SRGAP3: variants seen among roughly 807,000 people sequenced by gnomAD.
The protein encoded by SRGAP3 is SLIT-ROBO Rho GTPase-activating protein 3.
In SRGAP3, 39 loss-of-function variants were observed where a neutral mutation model predicts 121.1. That is an observed-to-expected ratio of 0.32 (90% confidence interval 0.25 to 0.42). The LOEUF (loss-of-function observed/expected upper bound fraction) is 0.42, where lower values mean the gene tolerates loss of function less well. SRGAP3 is among the 10% of genes least tolerant of loss of function. SRGAP3 has a pLI of 1.00. For synonymous variants in SRGAP3, 601 were observed against 570.0 expected (o/e 1.05, Z -0.77); for missense variants, 1,213 against 1,470.6 (o/e 0.82, Z 2.86).
At chr3:9,209,576 A>G (rs1952376671) in intron 1 of SRGAP3, among the ~76,000 whole-genome samples, 1 of 152,226 alleles carries the variant, frequency 6.6e-6, no homozygotes, top group South Asian at 2.1e-4. Flanking sequence ...GATGCTAGCT[A>G]TTGAAATTTC....
chr3:9,013,884 G>A, intron 15 of SRGAP3, 42 bp from the exon 16 acceptor site: 1 of 1,587,546 alleles, frequency 6.3e-7, no homozygotes, highest in Non-Finnish European at 8.7e-7. Context: ...TTCATCCTCA[G>A]AGAGCAAAGC....
chr3:9,078,979 C>G (rs1947112704), intron 4 of SRGAP3, among the ~76,000 whole-genome samples: 1 of 152,130 alleles, frequency 6.6e-6, no homozygotes, highest in African/African-American at 2.4e-5. Context: ...GGCTTTCTGA[C>G]CTGAGGTCCA....
chr3:9,227,525 C>A (rs1377272290), intron 1 of SRGAP3, among the ~76,000 whole-genome samples: 1 of 152,182 alleles, frequency 6.6e-6, no homozygotes, highest in African/African-American at 2.4e-5. Flanking sequence ...TGCCCAAGGT[C>A]AAGCAATTAG....
chr3:9,106,544 G>C (rs972018417), intron 2 of SRGAP3, among the ~76,000 whole-genome samples: 1 of 152,116 alleles, frequency 6.6e-6, no homozygotes, highest in Non-Finnish European at 1.5e-5. Flanking sequence ...AACTTGAATT[G>C]TATCTCCCAG....
chr3:9,199,953 G>GA (rs1423040844), intron 1 of SRGAP3, among the ~76,000 whole-genome samples: 1 of 152,168 alleles, frequency 6.6e-6, no homozygotes, highest in South Asian at 2.1e-4. Flanking sequence ...AAATGCTTAA[G>GA]AAAAAAATCA....
At chr3:9,088,142 C>A (rs1947580277) in intron 3 of SRGAP3, among the ~76,000 whole-genome samples, 1 of 152,146 alleles carries the variant, frequency 6.6e-6, no homozygotes, top group African/African-American at 2.4e-5. Flanking sequence ...CATACCCAGC[C>A]CTTAGGAACC....
chr3:9,151,342 C>T (rs1416461070), intron 1 of SRGAP3, among the ~76,000 whole-genome samples: 2 of 152,154 alleles, frequency 1.3e-5, no homozygotes, highest in Non-Finnish European at 2.9e-5. Flanking sequence ...GTTTGGCATG[C>T]AGCCATCAAC....
intron 3 of SRGAP3, among the ~76,000 whole-genome samples, chr3:9,323,837 A>G (rs1327584982): frequency 6.8e-6 from 1 of 147,200 alleles, no homozygotes; most frequent in Non-Finnish European, 1.5e-5. Context: ...ACTTATTCAT[A>G]TATGCATACC....
chr3:9,037,924 G>A (rs1944836372), intron 11 of SRGAP3, 139 bp downstream of exon 11: 2 of 1,140,492 alleles, frequency 1.8e-6, no homozygotes, highest in Admixed American at 1.7e-5. Context: ...GCCTCACCTG[G>A]GCACACCCAC....
intron 3 of SRGAP3, among the ~76,000 whole-genome samples, chr3:9,282,422 AATAGAGG>A (rs1360983690): frequency 6.6e-6 from 1 of 152,236 alleles, no homozygotes; most frequent in Non-Finnish European, 1.5e-5. Context: ...TGTCTGGCTT[AATAGAGG>A]AGAGCTTTAT....
At chr3:9,021,476 A>G (rs1440192462) in intron 14 of SRGAP3, among the ~76,000 whole-genome samples, 1 of 151,974 alleles carries the variant, frequency 6.6e-6, no homozygotes, top group Non-Finnish European at 1.5e-5. Context: ...TCAAAACTTG[A>G]GCAGTGAGTT....
At chr3:9,301,081 A>G (rs1275769512) in intron 3 of SRGAP3, among the ~76,000 whole-genome samples, 3 of 152,140 alleles carry the variant, frequency 2.0e-5, no homozygotes, top group Non-Finnish European at 4.4e-5. Flanking sequence ...CTTCCTCTCA[A>G]TGTGATCCTC....
At chr3:8,991,212 C>A (rs993895494) in intron 20 of SRGAP3, among the ~76,000 whole-genome samples, 1 of 152,154 alleles carries the variant, frequency 6.6e-6, no homozygotes, top group Non-Finnish European at 1.5e-5. Context: ...GCAGTTCAGA[C>A]TTTTCCATGA....
chr3:9,128,306 CA>C (rs1335274960), intron 1 of SRGAP3, among the ~76,000 whole-genome samples: 1 of 152,018 alleles, frequency 6.6e-6, no homozygotes, highest in African/African-American at 2.4e-5. Flanking sequence ...TGCAATGATA[CA>C]TAAATCAATA....
At chr3:9,152,534 G>A (rs376382529) in intron 1 of SRGAP3, among the ~76,000 whole-genome samples, 37 of 152,226 alleles carry the variant, frequency 2.4e-4, no homozygotes, top group East Asian at 9.6e-4. Flanking sequence ...AGTGAGCAGG[G>A]GGAGGAAGCC....
chr3:9,288,634 G>A (rs1954822570), intron 3 of SRGAP3, among the ~76,000 whole-genome samples: 1 of 149,260 alleles, frequency 6.7e-6, no homozygotes, highest in South Asian at 2.1e-4. Context: ...GGAGTACAGT[G>A]TGTGATCAGA....
At chr3:9,342,117 G>A (rs760673609) in intron 1 of SRGAP3, among the ~76,000 whole-genome samples, 13 of 152,280 alleles carry the variant, frequency 8.5e-5, no homozygotes, top group South Asian at 2.1e-4. Flanking sequence ...TCGGGAAGCC[G>A]AGGCAGGCGA....
At chr3:9,267,019 A>G (rs1320747852) in intron 3 of SRGAP3, among the ~76,000 whole-genome samples, 1 of 152,164 alleles carries the variant, frequency 6.6e-6, no homozygotes, top group Non-Finnish European at 1.5e-5. Flanking sequence ...TTTGGACCCA[A>G]TCTCTTTTAG....
rs540598749 is a variant in SRGAP3 at position 9,106,965 on chromosome 3, TG to T, written c.261-2124del. Among the ~76,000 whole-genome samples, 32 of 146,892 alleles carry T rather than the reference TG, an allele frequency of 2.2e-4. No homozygotes were observed. The South Asian group carries it at 5.9e-3, about 27-fold the overall frequency. ...ATCTCCTGGGGCTTGGGAAGGTAGG[TG>T]GGGCAGGGCTACCTTGACTTCAAGG... On this transcript the variant is annotated intron_variant, in intron 2 of 21. Transcript: ENST00000383836.
Sources: gnomAD v4.1 joint callset for allele counts (sites outside exome capture counted in the v4.1 genomes callset) on GRCh38, gnomAD v4.1.1 for gene constraint, MANE v1.5 for transcripts, NCBI Gene and HGNC (gene_info 2026-07-23, HGNC 2026-07-21) for gene names.